The following LPAR6 variants were observed in gnomAD, a reference collection of about 807,000 sequenced individuals.
LPAR6 encodes G-protein coupled purinergic receptor P2Y5.
LPAR6 carries 17 observed loss-of-function variants against 22.0 expected under a neutral mutation model. The observed-to-expected ratio is 0.77, with a 90% CI of 0.53 to 1.16. The LOEUF (loss-of-function observed/expected upper bound fraction) is 1.16, where lower values mean the gene tolerates loss of function less well. Among genes scored for constraint, LPAR6 ranks in the 50% most tolerant of loss-of-function variants. LPAR6 has a pLI of 0.00. For synonymous variants in LPAR6, 136 were observed against 139.8 expected (o/e 0.97, Z 0.19); for missense variants, 384 against 406.9 (o/e 0.94, Z 0.48).
chr13:48,411,382 T>G lies in LPAR6; in HGVS notation c.*7A>C. On this transcript the variant is annotated 3_prime_UTR_variant, in exon 1 of 1. Transcript: ENST00000620633. ...GTTCTGTCCCAGTGAGTCCTAATGGTTTTATTTCAGGCAGCAGATTCATTG... is the reference window on the plus strand; with the variant it reads ...GTTCTGTCCCAGTGAGTCCTAATGGGTTTATTTCAGGCAGCAGATTCATTG... The G allele has an allele frequency of 6.2e-7, 1 of 1,607,506 alleles. No individual in the cohort carries two copies. The highest frequency in any genetic ancestry group is 8.5e-7 in the Non-Finnish European group (1 of 1,176,348).
intron 1 of LPAR6, among the ~76,000 whole-genome samples, chr13:48,393,852 G>C (rs1948628772): frequency 6.6e-6 from 1 of 152,140 alleles, no homozygotes; most frequent in South Asian, 2.1e-4. Context: ...ATTGGATTCT[G>C]TCATACTCTT....
upstream of LPAR6, among the ~76,000 whole-genome samples, chr13:48,430,184 T>C (rs1223586542): frequency 6.6e-6 from 1 of 152,332 alleles, no homozygotes; most frequent in East Asian, 1.9e-4. Flanking sequence ...ATTTCTTTAG[T>C]TATAAGGAGT....
At chr13:48,420,965 G>A (rs1468668657) in intron 2 of LPAR6, among the ~76,000 whole-genome samples, 1 of 152,118 alleles carries the variant, frequency 6.6e-6, no homozygotes, top group Non-Finnish European at 1.5e-5. Flanking sequence ...ACCACTCAAA[G>A]TAATTTATAG....
At chr13:48,437,842 T>C (rs1393631352) in intron 1 of LPAR6, among the ~76,000 whole-genome samples, 1 of 152,214 alleles carries the variant, frequency 6.6e-6, no homozygotes, top group Non-Finnish European at 1.5e-5. Context: ...TTAGGAACTG[T>C]CTGCACAAGG....
intron 1 of LPAR6, among the ~76,000 whole-genome samples, chr13:48,400,020 A>T (rs1948678518): frequency 6.6e-6 from 1 of 152,090 alleles, no homozygotes; most frequent in Non-Finnish European, 1.5e-5. Context: ...TAAGAAATTC[A>T]AGGATGTCCA....
intron 1 of LPAR6, among the ~76,000 whole-genome samples, chr13:48,437,236 T>C (rs531702248): frequency 6.6e-6 from 1 of 152,336 alleles, no homozygotes; most frequent in South Asian, 2.1e-4. Context: ...GGCTGACAGT[T>C]AATTTGAGTA....
At chr13:48,413,484 A>G (rs1397570870), upstream of LPAR6, among the ~76,000 whole-genome samples, 1 of 152,204 alleles carries the variant, frequency 6.6e-6, no homozygotes, top group Non-Finnish European at 1.5e-5. Context: ...GTATTTATAA[A>G]TTGAAATTGT....
chr13:48,429,668 T>C (rs543573328), upstream of LPAR6: 21 of 152,206 alleles, frequency 1.4e-4, no homozygotes, highest in South Asian at 4.1e-3. Context: ...AAAATTAAAA[T>C]GTTATATGGA....
chr13:48,442,600 T>A (rs1361048346), intron 1 of LPAR6, among the ~76,000 whole-genome samples: 2 of 152,166 alleles, frequency 1.3e-5, no homozygotes, highest in Non-Finnish European at 2.9e-5. Flanking sequence ...AGGAAGACCC[T>A]CACTGAATTG....
rs186745197 is a variant in LPAR6, at chr13:48,397,501, G to A, written n.115-7689C>T. The stretch of plus-strand genomic sequence containing the variant: ...CACACCGGGGCCTGTCAGGGGGTGC[G>A]GGTCTAAGGGAGGGATAGCATTAGG... On this transcript the variant is annotated intron_variant and non_coding_transcript_variant, in intron 1 of 1. Coordinates refer to the LPAR6 transcript ENST00000462781. Among the ~76,000 whole-genome samples the A allele has an allele frequency of 4.9e-3, 742 of 152,220 alleles. 3 individuals are homozygous for A. The highest frequency in any genetic ancestry group is 0.017 in the African/African-American group (696 of 41,530).
upstream of LPAR6, among the ~76,000 whole-genome samples, chr13:48,415,516 T>C (rs1948894247): frequency 6.6e-6 from 1 of 152,128 alleles, no homozygotes. Context: ...TGACCTCAAG[T>C]CATCCACCCA....
At chr13:48,436,500 G>A (rs939630331) in intron 1 of LPAR6, among the ~76,000 whole-genome samples, 2 of 152,060 alleles carry the variant, frequency 1.3e-5, no homozygotes, top group Non-Finnish European at 2.9e-5. Context: ...AAAATTAGCT[G>A]AGTATGGTGG....
At chr13:48,399,522 G>C (rs1423083072) in intron 1 of LPAR6, among the ~76,000 whole-genome samples, 1 of 151,968 alleles carries the variant, frequency 6.6e-6, no homozygotes, top group Non-Finnish European at 1.5e-5. Flanking sequence ...TTAGATGATT[G>C]CTTAAAGATC....
chr13:48,409,889 T>A (rs1036687672), downstream of LPAR6, among the ~76,000 whole-genome samples: 2 of 152,074 alleles, frequency 1.3e-5, no homozygotes, highest in African/African-American at 4.8e-5. Context: ...TGAATTTTTT[T>A]AAAAAAGGAA....
chr13:48,416,070 T>G (rs1948903824), upstream of LPAR6, among the ~76,000 whole-genome samples: 1 of 152,228 alleles, frequency 6.6e-6, no homozygotes, highest in Admixed American at 6.5e-5. Flanking sequence ...AACTTAACTC[T>G]GAGAATCAAC....
At chr13:48,441,328 T>A (rs1949234708) in intron 1 of LPAR6, among the ~76,000 whole-genome samples, 1 of 152,226 alleles carries the variant, frequency 6.6e-6, no homozygotes, top group East Asian at 1.9e-4. Context: ...AAGACCCTTA[T>A]GTTACCTTTA....
At chr13:48,395,809 C>T (rs1430968694) in intron 1 of LPAR6, among the ~76,000 whole-genome samples, 3 of 152,132 alleles carry the variant, frequency 2.0e-5, no homozygotes. Context: ...AAACACTCTA[C>T]AGGATATTAT....
At chr13:48,393,116 C>G (rs1337534140) in intron 1 of LPAR6, among the ~76,000 whole-genome samples, 1 of 152,100 alleles carries the variant, frequency 6.6e-6, no homozygotes, top group Non-Finnish European at 1.5e-5. Flanking sequence ...TCTTCCTGAC[C>G]CTGTGTCAGC....
intron 1 of LPAR6, among the ~76,000 whole-genome samples, chr13:48,436,979 A>G (rs552982773): frequency 2.6e-5 from 4 of 152,202 alleles, no homozygotes; most frequent in Non-Finnish European, 5.9e-5. Context: ...TGATAATCAG[A>G]ATCTCTTTTA....
Sources: allele counts gnomAD v4.1 joint callset (sites outside exome capture counted in the v4.1 genomes callset), GRCh38; gene constraint gnomAD v4.1.1; transcripts MANE v1.5; gene names NCBI Gene and HGNC (gene_info 2026-07-23, HGNC 2026-07-21).